Variants in NET1 observed in about 807,000 individuals in gnomAD.
NET1 encodes neuroepithelial cell-transforming gene 1 protein.
A neutral mutation model predicts 61.1 loss-of-function variants in NET1; 42 were observed. That is an observed-to-expected ratio of 0.69 (90% CI 0.54 to 0.89). The LOEUF (loss-of-function observed/expected upper bound fraction) is 0.89. Ranked by LOEUF, NET1 falls within the 40% of genes least tolerant of loss-of-function variation. The pLI is 0.00. For synonymous variants in NET1, 254 were observed against 281.8 expected (o/e 0.90, Z 0.99); for missense variants, 654 against 747.3 (o/e 0.88, Z 1.46).
In NET1 at chr10:5,439,283, G is replaced by T. The variant is rs12248016; in HGVS notation, c.255+10054G>T. 1.3e-5 allele frequency among the ~76,000 whole-genome samples: 2 copies of T among 152,158 alleles called. No individual in the cohort carries two copies. Among genetic ancestry groups the T allele is most frequent in the Non-Finnish European group, 2.9e-5 (2 of 68,020 alleles). On this transcript the variant is annotated intron_variant, in intron 3 of 11. Coordinates refer to ENST00000355029, the MANE Select transcript of NET1 (RefSeq NM_001047160.3). The surrounding 1 kb of genome is among the most constrained non-coding windows in gnomAD (Gnocchi z 4.8). ...CTGAATGGGATGCAGTGCAATAGTG[G>T]TCCATTTTCTGCTCATACCAACATA...
Position 5,435,963 on chromosome 10 carries a change from A to C in NET1, c.255+6734A>C, listed in dbSNP as rs997853106. The stretch of plus-strand genomic sequence containing the variant: ...ATTTTGATAGGAAGAGTCAAAAGTG[A>C]CTGTTGACTTTGTTAATGTGAAATA... On this transcript the variant is annotated intron_variant, in intron 3 of 11. Transcript: ENST00000355029. The surrounding 1 kb of genome is among the most constrained non-coding windows in gnomAD (Gnocchi z 5.0). 6.6e-6 allele frequency among the ~76,000 whole-genome samples: 1 copy of C among 151,912 alleles called. No homozygotes were observed. The highest frequency in any genetic ancestry group is 2.4e-5 in the African/African-American group (1 of 41,354).
rs1178119079 is a variant in NET1, at chr10:5,457,053, T to C, written c.*59T>C. The C allele has an allele frequency of 3.4e-6, 5 of 1,481,418 alleles. No homozygotes were observed. The highest frequency in any genetic ancestry group is 4.5e-6 in the Non-Finnish European group (5 of 1,113,822). 91.8% of individuals were successfully genotyped at this position (1,481,418 alleles called of 1,614,324 possible). On this transcript the variant is annotated 3_prime_UTR_variant, in exon 12 of 12. Transcript: ENST00000355029. The surrounding 1 kb of genome is among the most constrained non-coding windows in gnomAD (Gnocchi z 5.4). ...TGTTTGTTTATAAATGTGTACAGTT[T>C]TGTTTTCTCGTAAGGGGAGCATCAT...
chr10:5,414,008 A>G (rs1187576093), intron 1 of NET1, among the ~76,000 whole-genome samples: 1 of 152,182 alleles, frequency 6.6e-6, no homozygotes, highest in Non-Finnish European at 1.5e-5. Flanking sequence ...ATGATTTCCT[A>G]TTGTAATCCC....
rs1242393868 is a variant in NET1, at chr10:5,443,447, C to T, written c.256-8383C>T. Among the ~76,000 whole-genome samples the T allele has an allele frequency of 6.6e-6, 1 of 152,056 alleles. No homozygotes were observed. The highest frequency in any genetic ancestry group is 2.4e-5 in the African/African-American group (1 of 41,400). On this transcript the variant is annotated intron_variant, in intron 3 of 11. Coordinates refer to ENST00000355029, the MANE Select transcript of NET1 (RefSeq NM_001047160.3). This position sits in a 1 kb window ranked among gnomAD's most constrained non-coding sequence, Gnocchi z 4.8. ...GCACAAAGTAAGACCTTAAATTTTT[C>T]TTCTATTTTTCACCACCACCCATTA... is the stretch of plus-strand genomic sequence containing the variant.
intron 3 of NET1, among the ~76,000 whole-genome samples, chr10:5,430,536 G>A (rs967876289): frequency 1.6e-4 from 25 of 151,962 alleles, no homozygotes; most frequent in African/African-American, 5.3e-4. Flanking sequence ...CACCATGCCC[G>A]GCTAATTTTT....
rs1430739168 is a variant in NET1 at position 5,454,267 on chromosome 10, A to G, written c.771A>G (p.Leu257=). The G allele has an allele frequency of 6.2e-7, 1 of 1,610,824 alleles. No individual in the cohort carries two copies. The highest frequency in any genetic ancestry group is 8.5e-7 in the Non-Finnish European group (1 of 1,179,046). ...EQIGHILVSW[L]PRLNAYRGYC... ...CCTTTTCTTTTATTACTCTTCAGTT[A>G]CCGCGCTTGAATGCCTACAGAGGTT... Residue 257 remains leucine (L), a splice_region_variant and synonymous_variant, in exon 9 of 12, where the codon TTA becomes TTG. Coordinates refer to ENST00000355029, the MANE Select transcript of NET1 (RefSeq NM_001047160.3). This position sits in a 1 kb window ranked among gnomAD's most constrained non-coding sequence, Gnocchi z 8.1.
chr10:5,450,236 C>G (rs564989724), intron 3 of NET1, among the ~76,000 whole-genome samples: 2 of 152,294 alleles, frequency 1.3e-5, no homozygotes, highest in African/African-American at 4.8e-5. Flanking sequence ...ACAACTCTGC[C>G]TCTTAAAGCC....
chr10:5,418,663 T>C (rs1832117616), intron 1 of NET1, among the ~76,000 whole-genome samples: 2 of 152,302 alleles, frequency 1.3e-5, no homozygotes, highest in South Asian at 4.1e-4. Flanking sequence ...TCCTTATTGT[T>C]TCCTTCTTCC....
chr10:5,454,303 C>G lies in NET1; in HGVS notation c.807C>G (p.Asn269Lys). The G allele has an allele frequency of 6.2e-7, 1 of 1,614,172 alleles. No homozygotes were observed. Among genetic ancestry groups the G allele is most frequent in the Non-Finnish European group, 8.5e-7 (1 of 1,180,028 alleles). Residue 269 changes from asparagine to lysine, a missense_variant, in exon 9 of 12, where the codon AAC (asparagine) becomes AAG (lysine). Coordinates refer to ENST00000355029, the MANE Select transcript of NET1 (RefSeq NM_001047160.3). This position sits in a 1 kb window ranked among gnomAD's most constrained non-coding sequence, Gnocchi z 8.1. ...RLNAYRGYCSNQLAAKALLDQ... is the reference protein window; with the variant it reads ...RLNAYRGYCSKQLAAKALLDQ... ...ATGCCTACAGAGGTTACTGTAGTAA[C>G]CAGCTGGCAGCCAAAGCTCTTCTTG...
Position 5,444,721 on chromosome 10 carries a change from C to T in NET1, c.256-7109C>T, listed in dbSNP as rs1034319495. On this transcript the variant is annotated intron_variant, in intron 3 of 11. Transcript: ENST00000355029. This position sits in a 1 kb window ranked among gnomAD's most constrained non-coding sequence, Gnocchi z 5.3. ...TTCTCTCCCAGTCATCTCATTCACT[C>T]CCATAGCTTCGATTTTTATCTCTGT... Among the ~76,000 whole-genome samples, 1 of 152,208 alleles carries T rather than the reference C, an allele frequency of 6.6e-6. No individual in the cohort carries two copies. The highest frequency in any genetic ancestry group is 1.5e-5 in the Non-Finnish European group (1 of 68,042).
At chr10:5,442,472 A>G (rs896786341) in intron 3 of NET1, among the ~76,000 whole-genome samples, 3 of 152,238 alleles carry the variant, frequency 2.0e-5, no homozygotes, top group Non-Finnish European at 2.9e-5. Context: ...TTTTCTATAC[A>G]TAAGAGAAAC....
chr10:5,412,787 C>T lies in NET1; in HGVS notation c.95C>T (p.Ser32Leu). The T allele has an allele frequency of 6.9e-7, 1 of 1,452,584 alleles. No individual in the cohort carries two copies. The highest frequency in any genetic ancestry group is 9.0e-7 in the Non-Finnish European group (1 of 1,106,892). 90.0% of individuals were successfully genotyped at this position (1,452,584 alleles called of 1,614,324 possible). The change falls in exon 1 of 12, where the codon TCG (serine) becomes TTG (leucine). Residue 32 changes from serine (S) to leucine (L), a missense_variant. By Grantham distance (145) the Ser-to-Leu change is moderately radical. Transcript: ENST00000355029. This position sits in a 1 kb window ranked among gnomAD's most constrained non-coding sequence, Gnocchi z 6.5. ...GLSTEGATGP[S>L]ADTSGSELDG... ...AGCACGGAGGGAGCGACGGGGCCTT[C>T]GGCCGACACCTCCGGGTCGGAGCTG...
At position 5,455,544 on chromosome 10, in the gene NET1, A is replaced by G. The variant is rs1564469573; in HGVS notation, c.1197+426A>G. 6.6e-6 allele frequency among the ~76,000 whole-genome samples: 1 copy of G among 152,278 alleles called. No homozygotes were observed. The highest frequency in any genetic ancestry group is 2.4e-5 in the African/African-American group (1 of 41,482). The stretch of plus-strand genomic sequence containing the variant: ...AATGCTAATTATAAAAGTACCTGCT[A>G]GAACTAAGTGCAGTCACGGAATGGT... On this transcript the variant is annotated intron_variant, in intron 10 of 11. Coordinates refer to ENST00000355029, the MANE Select transcript of NET1 (RefSeq NM_001047160.3). The surrounding 1 kb of genome is among the most constrained non-coding windows in gnomAD (Gnocchi z 6.5).
chr10:5,429,720 A>T (rs2119178983), intron 3 of NET1, among the ~76,000 whole-genome samples: 1 of 152,350 alleles, frequency 6.6e-6, no homozygotes, highest in South Asian at 2.1e-4. Context: ...AGTATGTGAC[A>T]TAGAATAAAC....
In NET1 at chr10:5,415,440, C is replaced by CTTTTT. The variant is rs55784274; in HGVS notation, c.128+2628_128+2632dup. 5.5e-5 allele frequency among the ~76,000 whole-genome samples: 8 copies of CTTTTT among 145,244 alleles called. No individual in the cohort carries two copies. The highest frequency in any genetic ancestry group is 6.0e-5 in the Non-Finnish European group (4 of 66,948). On this transcript the variant is annotated intron_variant, in intron 1 of 11. Coordinates refer to ENST00000355029, the MANE Select transcript of NET1 (RefSeq NM_001047160.3). The surrounding 1 kb of genome is among the most constrained non-coding windows in gnomAD (Gnocchi z 4.7). ...CATTTTTGGTGGGCCATCCTTTGCT[C>CTTTTT]TTTTTTTTTTTTCTTTTGAGACGGA...
rs1832176816 is a variant in NET1, at chr10:5,421,739, C to T, written c.129-4916C>T. On this transcript the variant is annotated intron_variant, in intron 1 of 11. Coordinates refer to ENST00000355029, the MANE Select transcript of NET1 (RefSeq NM_001047160.3). This position sits in a 1 kb window ranked among gnomAD's most constrained non-coding sequence, Gnocchi z 4.2. ...ATTTATAGAGTTGTGCAGTCATTAC[C>T]ACAATCCATTGTTAGAACATTTCAT... Among the ~76,000 whole-genome samples, 1 of 152,074 alleles carries T rather than the reference C, an allele frequency of 6.6e-6. No individual in the cohort carries two copies. The highest frequency in any genetic ancestry group is 1.5e-5 in the Non-Finnish European group (1 of 68,010).
chr10:5,454,134 G>A lies in NET1; in HGVS notation c.769-131G>A. On this transcript the variant is annotated intron_variant, in intron 8 of 11. Transcript: ENST00000355029. The surrounding 1 kb of genome is among the most constrained non-coding windows in gnomAD (Gnocchi z 8.1). ...TGCTATTCAGCTTCCATTATTATCT[G>A]CCAGAAAATGTCCACAGCTTGTTAA... 1.1e-6 allele frequency: 1 copy of A among 932,068 alleles called. No individual in the cohort carries two copies. The highest frequency in any genetic ancestry group is 2.4e-5 in the East Asian group (1 of 41,044). The allele number at this position is 932,068 out of a possible 1,614,324, so 57.7% of individuals were successfully genotyped here. A position where few individuals can be genotyped will look rare whatever the true frequency, so the allele number is the denominator to read the frequency against.
At position 5,413,500 on chromosome 10, in the gene NET1, A is replaced by T. The variant is rs565501434; in HGVS notation, c.128+680A>T. Among the ~76,000 whole-genome samples, 77 of 141,300 alleles carry T rather than the reference A, an allele frequency of 5.4e-4. 1 individual carries two copies. Among genetic ancestry groups the T allele is most frequent in the Admixed American group, 1.5e-3 (21 of 14,366 alleles). The allele number at this position is 141,300 out of a possible 152,430, so 92.7% of individuals were successfully genotyped here. On this transcript the variant is annotated intron_variant, in intron 1 of 11. Transcript: ENST00000355029. ...TGGCTCAGTGAAATTTCACAAAGCG[A>T]AGCTCAGGGGATAGCTAGTGAATTA... is the stretch of plus-strand genomic sequence containing the variant.
At chr10:5,438,886 A>G (rs1012626605) in intron 3 of NET1, among the ~76,000 whole-genome samples, 3 of 152,196 alleles carry the variant, frequency 2.0e-5, no homozygotes, top group African/African-American at 4.8e-5. Flanking sequence ...CTGCTGCTGG[A>G]GCACACTGAA....
Sources: gnomAD v4.1 joint callset for allele counts (sites outside exome capture counted in the v4.1 genomes callset) on GRCh38, gnomAD v4.1.1 for gene constraint, Gnocchi (gnomAD v3.1) non-coding constraint, MANE v1.5 for transcripts, NCBI Gene and HGNC (gene_info 2026-07-23, HGNC 2026-07-21) for gene names.